VWF: variants seen among roughly 807,000 people sequenced by gnomAD.
VWF encodes the protein Factor VIII related antigen.
A neutral mutation model predicts 308.6 loss-of-function variants in VWF; 176 were observed. That is an observed-to-expected ratio of 0.57 (90% CI 0.50 to 0.65). VWF has a LOEUF of 0.65. Among genes scored for constraint, VWF ranks in the 30% least tolerant of loss-of-function variants. VWF has a pLI of 0.00. For missense variants in VWF, 3,146 were observed against 3,648.2 expected (o/e 0.86, Z 3.55); for synonymous variants, 1,385 against 1,443.4 (o/e 0.96, Z 0.92).
In VWF at chr12:6,060,033, C is replaced by A. The variant is rs1174798072; in HGVS notation, c.1534-1989G>T. 1.3e-5 allele frequency among the ~76,000 whole-genome samples: 2 copies of A among 151,922 alleles called. No homozygotes were observed. The highest frequency in any genetic ancestry group is 1.3e-4 in the Admixed American group (2 of 15,254). ...ACCAAGCCAGCCATCACTCCCATGT[C>A]CCACTCTAAAACCAGGTCTTCTCCC... On this transcript the variant is annotated intron_variant, in intron 13 of 51. Transcript: ENST00000261405. The surrounding 1 kb of genome is among the most constrained non-coding windows in gnomAD (Gnocchi z 5.1).
chr12:6,091,657 A>C (rs13377953), intron 6 of VWF, among the ~76,000 whole-genome samples: 16,249 of 152,024 alleles, frequency 0.11, 2,890 homozygotes, highest in African/African-American at 0.37. Context: ...GATCCTCCTG[A>C]CTCAGCCTCC....
At chr12:5,952,928 T>TA (rs769755796) in intron 48 of VWF, among the ~76,000 whole-genome samples, 5 of 152,114 alleles carry the variant, frequency 3.3e-5, no homozygotes, top group Non-Finnish European at 7.3e-5. Context: ...GAGAAAATCT[T>TA]AAAGATCAAC....
At chr12:6,078,949 G>T (rs1336209692) in intron 6 of VWF, among the ~76,000 whole-genome samples, 1 of 152,198 alleles carries the variant, frequency 6.6e-6, no homozygotes, top group Non-Finnish European at 1.5e-5. Context: ...TGTTTCTGAT[G>T]ATTTGCCTGC....
chr12:5,994,010 G>A lies in VWF; in HGVS notation c.6450C>T (p.Cys2150=), dbSNP rs1401279387. Residue 2150 remains cysteine, a synonymous_variant, in exon 37 of 52, where the codon TGC becomes TGT. Transcript: ENST00000261405. ...QVLLLPLFAE[C]HKVLAPATFY... The stretch of plus-strand genomic sequence containing the variant: ...ATGTGGCTGGAGCCAGGACCTTGTG[G>A]CATTCAGCAAACAGTGGTAAGAGGA... The A allele has an allele frequency of 3.1e-6, 5 of 1,614,198 alleles. No homozygotes were observed. The South Asian group carries it at 3.3e-5, about 11-fold the overall frequency.
At chr12:6,027,312 C>A (rs1944206371) in intron 22 of VWF, among the ~76,000 whole-genome samples, 1 of 152,234 alleles carries the variant, frequency 6.6e-6, no homozygotes, top group Non-Finnish European at 1.5e-5. Context: ...ACTCTCTCCC[C>A]TAGATACTGG....
In VWF at chr12:6,075,058, A is replaced by C. The variant is rs1433275337; in HGVS notation, c.874+277T>G. ...GAAGCAGAGAACACTGTGTGAGTGC[A>C]GGGGTCGGATTTCCTGAGGGAAGTC... On this transcript the variant is annotated intron_variant, in intron 7 of 51. Coordinates refer to ENST00000261405, the MANE Select transcript of VWF (RefSeq NM_000552.5). The surrounding 1 kb of genome is among the most constrained non-coding windows in gnomAD (Gnocchi z 4.7). Among the ~76,000 whole-genome samples, 1 of 107,500 alleles carries C rather than the reference A, an allele frequency of 9.3e-6. No homozygotes were observed. Among genetic ancestry groups the C allele is most frequent in the South Asian group, 3.2e-4 (1 of 3,082 alleles). The allele number at this position is 107,500 out of a possible 152,430, so 70.5% of individuals were successfully genotyped here.
chr12:6,043,952 C>T (rs892181765), intron 18 of VWF, among the ~76,000 whole-genome samples: 1 of 152,134 alleles, frequency 6.6e-6, no homozygotes, highest in African/African-American at 2.4e-5. Flanking sequence ...TGGAAGGCGG[C>T]CCCTGGGAAA....
At chr12:5,977,817 T>C (rs1032049537) in intron 42 of VWF, among the ~76,000 whole-genome samples, 1 of 151,048 alleles carries the variant, frequency 6.6e-6, no homozygotes, top group African/African-American at 2.4e-5. Context: ...CTGAAGTTAG[T>C]TGAGGTCGCA....
Position 6,026,054 on chromosome 12 carries a change from G to C in VWF, c.2968-8C>G. On this transcript the variant is annotated splice_polypyrimidine_tract_variant and splice_region_variant and intron_variant, in intron 22 of 51. Coordinates refer to ENST00000261405, the MANE Select transcript of VWF (RefSeq NM_000552.5). ...CAGGCCACACACTTTCTCCTTGAGAGACAAGTTGAGGGATGAGCACCGTCA... is the reference window on the plus strand; with the variant it reads ...CAGGCCACACACTTTCTCCTTGAGACACAAGTTGAGGGATGAGCACCGTCA... The C allele has an allele frequency of 6.2e-7, 1 of 1,613,974 alleles. No homozygotes were observed. Among genetic ancestry groups the C allele is most frequent in the Non-Finnish European group, 8.5e-7 (1 of 1,179,860 alleles).
At chr12:5,971,538 AC>A in intron 44 of VWF, 60 bp downstream of exon 44, 1 of 1,359,698 alleles carries the variant, frequency 7.4e-7, no homozygotes, top group East Asian at 2.3e-5. Context: ...ACCAAGGTCA[AC>A]GCTGGTCCCT....
In VWF at chr12:6,110,719, G is replaced by T. The variant is rs1945298978; in HGVS notation, c.324-137C>A. ...GGCTGAGGACCTAGATCAGCAATCG[G>T]GAGAGCTGGCTCTCACCCAGCCCTG... On this transcript the variant is annotated intron_variant, in intron 4 of 51. Coordinates refer to ENST00000261405, the MANE Select transcript of VWF (RefSeq NM_000552.5). 3.9e-6 allele frequency: 5 copies of T among 1,288,228 alleles called. No individual in the cohort carries two copies. In the East Asian group the frequency reaches 6.9e-5, roughly 18 times the overall value. 79.8% of individuals were successfully genotyped at this position (1,288,228 alleles called of 1,614,324 possible).
intron 13 of VWF, among the ~76,000 whole-genome samples, chr12:6,061,986 AAC>A (rs1324292819): frequency 1.3e-5 from 2 of 152,196 alleles, no homozygotes; most frequent in African/African-American, 2.4e-5. Context: ...TGTTCTGGCA[AAC>A]AGTTACTTTT....
chr12:6,092,889 T>C (rs561587496), intron 6 of VWF, among the ~76,000 whole-genome samples: 1 of 152,088 alleles, frequency 6.6e-6, no homozygotes, highest in East Asian at 1.9e-4. Flanking sequence ...AAATGCCTCC[T>C]CCCATTATGA....
intron 5 of VWF, among the ~76,000 whole-genome samples, chr12:6,099,526 A>C (rs1489820025): frequency 6.6e-6 from 1 of 152,148 alleles, no homozygotes; most frequent in Non-Finnish European, 1.5e-5. Context: ...ATGAGTTCAC[A>C]ATCGAAAATT....
chr12:5,967,093 A>G lies in VWF; in HGVS notation c.7887+393T>C, dbSNP rs376301861. ...GTATACACGAGGCACATCCATTCAAAGGAATGTTGTGTAGAGCCTTGCACA... is the reference window on the plus strand; with the variant it reads ...GTATACACGAGGCACATCCATTCAAGGGAATGTTGTGTAGAGCCTTGCACA... On this transcript the variant is annotated intron_variant, in intron 47 of 51. Transcript: ENST00000261405. Among the ~76,000 whole-genome samples the G allele has an allele frequency of 3.3e-5, 5 of 152,248 alleles. No homozygotes were observed. In the East Asian group the frequency reaches 7.7e-4, roughly 23 times the overall value.
At chr12:6,085,436 A>G (rs972097495) in intron 6 of VWF, among the ~76,000 whole-genome samples, 4 of 152,180 alleles carry the variant, frequency 2.6e-5, no homozygotes, top group Non-Finnish European at 5.9e-5. Flanking sequence ...AGCCATATGA[A>G]ACATCTCAGT....
chr12:5,949,303 G>T, intron 51 of VWF, 100 bp from the exon 52 acceptor site: 1 of 1,283,324 alleles, frequency 7.8e-7, no homozygotes, highest in Non-Finnish European at 1.1e-6. Flanking sequence ...CCCCCTCCAA[G>T]CAAGGCAGGT....
chr12:6,009,598 A>G (rs1943969197), intron 34 of VWF, among the ~76,000 whole-genome samples: 1 of 152,220 alleles, frequency 6.6e-6, no homozygotes, highest in East Asian at 1.9e-4. Flanking sequence ...TAGTATTAGC[A>G]TATGACCCAG....
At chr12:6,059,451 A>G (rs1275929630) in intron 13 of VWF, among the ~76,000 whole-genome samples, 1 of 152,232 alleles carries the variant, frequency 6.6e-6, no homozygotes, top group Non-Finnish European at 1.5e-5. Context: ...CTGCTATAAC[A>G]AAATACCACA....
Sources: gnomAD v4.1 joint callset for allele counts (sites outside exome capture counted in the v4.1 genomes callset) on GRCh38, gnomAD v4.1.1 for gene constraint, Gnocchi (gnomAD v3.1) non-coding constraint, MANE v1.5 for transcripts, NCBI Gene and HGNC (gene_info 2026-07-23, HGNC 2026-07-21) for gene names.